The following SGMS1 variants were observed in gnomAD, a reference collection of about 807,000 sequenced individuals.
SGMS1 encodes the protein sphingomyelin synthase 1.
SGMS1 carries 13 observed loss-of-function variants against 46.2 expected under a neutral mutation model. The observed-to-expected ratio is 0.28, with a 90% CI of 0.18 to 0.45. The LOEUF is 0.45. Among genes scored for constraint, SGMS1 ranks in the 20% least tolerant of loss-of-function variants. The pLI, the probability that SGMS1 is intolerant of heterozygous loss-of-function variation, is 1.00. For synonymous variants in SGMS1, 203 were observed against 187.8 expected (o/e 1.08, Z -0.66); for missense variants, 324 against 519.9 (o/e 0.62, Z 3.66).
At chr10:50,323,236 TTTTTC>T (rs1847478067) in intron 8 of SGMS1, among the ~76,000 whole-genome samples, 1 of 152,126 alleles carries the variant, frequency 6.6e-6, no homozygotes, top group Non-Finnish European at 1.5e-5. Context: ...TGTTGAAACA[TTTTTC>T]TTAGGAGCTG....
intron 2 of SGMS1, among the ~76,000 whole-genome samples, chr10:50,566,920 G>C (rs868383693): frequency 3.7e-4 from 57 of 152,058 alleles, no homozygotes; most frequent in African/African-American, 1.4e-3. Context: ...ACTGGTTTTT[G>C]TTTTGTTTTG....
At chr10:50,595,797 A>G (rs759174835) in intron 1 of SGMS1, among the ~76,000 whole-genome samples, 8 of 152,156 alleles carry the variant, frequency 5.3e-5, no homozygotes, top group Non-Finnish European at 1.0e-4. Flanking sequence ...GTTCCTAGTG[A>G]CAGTAGCTTT....
intron 6 of SGMS1, among the ~76,000 whole-genome samples, chr10:50,365,566 A>G (rs1298083729): frequency 6.6e-6 from 1 of 151,996 alleles, no homozygotes; most frequent in Non-Finnish European, 1.5e-5. Flanking sequence ...TATTTGTCCT[A>G]ATGCTCTCTC....
At chr10:50,376,182 G>C (rs937556212) in intron 6 of SGMS1, among the ~76,000 whole-genome samples, 1 of 151,988 alleles carries the variant, frequency 6.6e-6, no homozygotes, top group Non-Finnish European at 1.5e-5. Flanking sequence ...TTCAGAGGGG[G>C]GTATGTTCGC....
intron 1 of SGMS1, among the ~76,000 whole-genome samples, chr10:50,593,802 G>A (rs905012504): frequency 6.6e-6 from 1 of 152,112 alleles, no homozygotes; most frequent in African/African-American, 2.4e-5. Context: ...TTGTCACCAC[G>A]ATACAGTTCT....
At chr10:50,564,786 T>G (rs1030702785) in intron 2 of SGMS1, among the ~76,000 whole-genome samples, 12 of 146,330 alleles carry the variant, frequency 8.2e-5, no homozygotes, top group Non-Finnish European at 1.6e-4. Context: ...TTTATTTATT[T>G]TTTAAGTTTT....
intron 2 of SGMS1, among the ~76,000 whole-genome samples, chr10:50,521,501 TA>T (rs1298382938): frequency 6.6e-6 from 1 of 152,190 alleles, no homozygotes; most frequent in Non-Finnish European, 1.5e-5. Flanking sequence ...GTTAACCTAA[TA>T]ATGTCCTTTA....
At chr10:50,522,771 G>A (rs1345514845) in intron 2 of SGMS1, among the ~76,000 whole-genome samples, 1 of 152,046 alleles carries the variant, frequency 6.6e-6, no homozygotes, top group Non-Finnish European at 1.5e-5. Context: ...GAATGGCTAA[G>A]GTATTCAGCA....
At chr10:50,575,033 G>A (rs1838371287) in intron 2 of SGMS1, among the ~76,000 whole-genome samples, 1 of 140,584 alleles carries the variant, frequency 7.1e-6, no homozygotes, top group South Asian at 2.3e-4. Flanking sequence ...TCAACCATGT[G>A]AAACAACATA....
At chr10:50,498,786 T>C (rs1202334275) in intron 3 of SGMS1, among the ~76,000 whole-genome samples, 2 of 152,212 alleles carry the variant, frequency 1.3e-5, no homozygotes, top group Non-Finnish European at 1.5e-5. Context: ...TGTACAAACA[T>C]ATCTTCAAGA....
chr10:50,338,843 G>A (rs900056232), intron 7 of SGMS1, among the ~76,000 whole-genome samples: 8 of 151,736 alleles, frequency 5.3e-5, no homozygotes, highest in African/African-American at 1.9e-4. Context: ...GGGTTCAAGC[G>A]ATTCTCCTGC....
At position 50,311,302 on chromosome 10, in the gene SGMS1, G is replaced by A. The variant is rs751973830; in HGVS notation, c.855C>T (p.His285=). 7.4e-6 allele frequency: 12 copies of A among 1,613,858 alleles called. No homozygotes were observed. The East Asian group carries it at 2.2e-4, about 30-fold the overall frequency. ...NMCGDYLYSG[H]TVMLTLTYLF... ...AGTAGGTAAGTGTTAGCATGACCGT[G>A]TGGCCGCTGTACAGATAGTCCCCAC... Residue 285 remains histidine (H), a synonymous_variant, in exon 9 of 11, where the codon CAC becomes CAT. Coordinates refer to ENST00000361781, the MANE Select transcript of SGMS1 (RefSeq NM_147156.4).
At chr10:50,610,870 C>T (rs4935738) in intron 1 of SGMS1, among the ~76,000 whole-genome samples, 2 of 152,020 alleles carry the variant, frequency 1.3e-5, no homozygotes, top group Non-Finnish European at 1.5e-5. Context: ...CCTCGTTCAA[C>T]GTCAAAGCTG....
At chr10:50,448,561 A>G (rs1329764224) in intron 5 of SGMS1, among the ~76,000 whole-genome samples, 1 of 152,082 alleles carries the variant, frequency 6.6e-6, no homozygotes, top group Non-Finnish European at 1.5e-5. Context: ...CCTGACCAAC[A>G]TGGAGAAACC....
intron 6 of SGMS1, among the ~76,000 whole-genome samples, chr10:50,398,623 A>G (rs1916567): frequency 0.82 from 124,076 of 151,880 alleles, 51,457 homozygotes; most frequent in African/African-American, 0.95. Context: ...AAGTCTTCTG[A>G]GAAATCAATG....
At chr10:50,624,169 C>A (rs1350960877), upstream of SGMS1, 1 of 976,458 alleles carries the variant, frequency 1.0e-6, no homozygotes, top group Non-Finnish European at 1.2e-6. Context: ...ACTGAGGAGG[C>A]GGGCGCTTTC....
At chr10:50,342,754 A>G (rs1847840075) in intron 7 of SGMS1, 1 of 152,252 alleles carries the variant, frequency 6.6e-6, no homozygotes, top group Non-Finnish European at 1.5e-5. Context: ...GTGAAGGGAC[A>G]ATGTAGGCAA....
intron 6 of SGMS1, among the ~76,000 whole-genome samples, chr10:50,409,664 A>T (rs34122137): frequency 0.16 from 25,100 of 152,228 alleles, 2,561 homozygotes; most frequent in East Asian, 0.26. Context: ...TTTTGCTCCT[A>T]AAAGTAAATG....
intron 6 of SGMS1, among the ~76,000 whole-genome samples, chr10:50,381,910 A>T (rs778353848): frequency 6.6e-6 from 1 of 152,236 alleles, no homozygotes; most frequent in Non-Finnish European, 1.5e-5. Context: ...TGGCTGGCTA[A>T]ACGTCAGTAT....
Sources: allele counts gnomAD v4.1 joint callset (sites outside exome capture counted in the v4.1 genomes callset), GRCh38; gene constraint gnomAD v4.1.1; transcripts MANE v1.5; gene names NCBI Gene and HGNC (gene_info 2026-07-23, HGNC 2026-07-21).